ZBTB45: variants seen among roughly 807,000 people sequenced by gnomAD.
ZBTB45 encodes the protein zinc finger and BTB domain-containing protein 45.
A neutral mutation model predicts 28.4 loss-of-function variants in ZBTB45; 22 were observed. The observed-to-expected ratio is 0.77, with a 90% confidence interval of 0.55 to 1.10. The LOEUF (loss-of-function observed/expected upper bound fraction) is 1.10, where lower values mean the gene tolerates loss of function less well. Ranked by LOEUF, ZBTB45 falls within the 50% of genes least tolerant of loss-of-function variation. ZBTB45 has a pLI of 0.00. For synonymous variants in ZBTB45, 361 were observed against 332.3 expected, an observed-to-expected ratio of 1.09 and a Z score of -0.94; for missense variants, 656 against 750.2, an observed-to-expected ratio of 0.87 and a Z score of 1.47.
rs1290353173 is a variant in ZBTB45 at position 58,515,788 on chromosome 19, T to C, written c.1279+607A>G. On this transcript the variant is annotated intron_variant, in intron 2 of 2. Transcript: ENST00000594051. The surrounding 1 kb of genome is among the most constrained non-coding windows in gnomAD (Gnocchi z 4.7). ...CCACCCTCCCACTCTTTACCTCTCC[T>C]GCAGCACTGCAGAGCCGCCTCCCTG... Among the ~76,000 whole-genome samples, 1 of 152,158 alleles carries C rather than the reference T, an allele frequency of 6.6e-6. No individual in the cohort carries two copies.
At position 58,513,956 on chromosome 19, in the gene ZBTB45, C is replaced by A; in HGVS notation, c.*98G>T. On this transcript the variant is annotated 3_prime_UTR_variant, in exon 3 of 3. Coordinates refer to ENST00000594051, the MANE Select transcript of ZBTB45 (RefSeq NM_001316979.2). ...GAGAGGACCTGCGCTCAGGAGGGAG[C>A]GTGGTCTAGTGGCGGGAACCACGGG... 7.7e-7 allele frequency: 1 copy of A among 1,306,898 alleles called. No individual in the cohort carries two copies. Among genetic ancestry groups the A allele is most frequent in the South Asian group, 1.9e-5 (1 of 53,124 alleles). 81.0% of individuals were successfully genotyped at this position (1,306,898 alleles called of 1,614,324 possible).
At position 58,516,281 on chromosome 19, in the gene ZBTB45, T is replaced by C; in HGVS notation, c.1279+114A>G. The C allele has an allele frequency of 7.3e-7, 1 of 1,368,950 alleles. No individual in the cohort carries two copies. Among genetic ancestry groups the C allele is most frequent in the Middle Eastern group, 2.0e-4 (1 of 4,926 alleles). The allele number at this position is 1,368,950 out of a possible 1,614,324, so 84.8% of individuals were successfully genotyped here. A position where few individuals can be genotyped will look rare whatever the true frequency, so the allele number is the denominator to read the frequency against. On this transcript the variant is annotated intron_variant, in intron 2 of 2. Transcript: ENST00000594051. The surrounding 1 kb of genome is among the most constrained non-coding windows in gnomAD (Gnocchi z 6.2). ...GGGAAGGCTCAATTTCTAGGCCCCC[T>C]GCTAACCAAAAGTAACAGAACAGTG... is the stretch of plus-strand genomic sequence containing the variant.
chr19:58,530,352 G>C (rs1373793083), intron 1 of ZBTB45, among the ~76,000 whole-genome samples: 3 of 152,052 alleles, frequency 2.0e-5, no homozygotes, highest in African/African-American at 4.8e-5. Context: ...TCGTTGCTCA[G>C]GCTGGAGTGC....
chr19:58,518,904 G>T (rs964191896), intron 1 of ZBTB45: 1 of 152,122 alleles, frequency 6.6e-6, no homozygotes, highest in Non-Finnish European at 1.5e-5. Flanking sequence ...GCTCTACTGG[G>T]GTCTCAAGAT....
Position 58,517,177 on chromosome 19 carries a change from C to G in ZBTB45, c.497G>C (p.Gly166Ala), listed in dbSNP as rs758851239. ...LLAARPPGHP[G>A]AAHSRKQRQP... ...GCGCTGCTTACGGCTGTGTGCAGCACCGGGGTGCCCCGGGGGACGTGCAGC... is the reference window on the plus strand; with the variant it reads ...GCGCTGCTTACGGCTGTGTGCAGCAGCGGGGTGCCCCGGGGGACGTGCAGC... The change falls in exon 2 of 3, where the codon GGT (glycine) becomes GCT (alanine). Residue 166 changes from glycine to alanine, a missense_variant. This residue lies in a region of ZBTB45 where 448 missense variants were observed against 444.3 expected (regional missense o/e 1.01). Coordinates refer to ENST00000594051, the MANE Select transcript of ZBTB45 (RefSeq NM_001316979.2). 6 of 1,607,788 alleles carry G rather than the reference C, an allele frequency of 3.7e-6. No individual in the cohort carries two copies. In the South Asian group the frequency reaches 6.6e-5, roughly 18 times the overall value.
At chr19:58,525,403 C>T (rs762893947) in intron 1 of ZBTB45, among the ~76,000 whole-genome samples, 69 of 152,132 alleles carry the variant, frequency 4.5e-4, no homozygotes, top group Non-Finnish European at 4.3e-4. Flanking sequence ...CAGATAGCAG[C>T]GGAGGCTGAG....
chr19:58,526,529 T>TATTATTA (rs767538968), intron 1 of ZBTB45, among the ~76,000 whole-genome samples: 1 of 85,176 alleles, frequency 1.2e-5, no homozygotes, highest in Non-Finnish European at 2.5e-5. Context: ...ATTATTATTT[T>TATTATTA]TTTTTTTTTT....
chr19:58,521,257 C>T (rs1429314407), upstream of ZBTB45, among the ~76,000 whole-genome samples: 2 of 149,912 alleles, frequency 1.3e-5, no homozygotes, highest in East Asian at 3.9e-4. Context: ...GTCCCAGCTA[C>T]TCAGGAGGCT....
At chr19:58,520,196 G>T (rs1476055337), upstream of ZBTB45, 1 of 152,190 alleles carries the variant, frequency 6.6e-6, no homozygotes, top group Admixed American at 6.6e-5. Flanking sequence ...AGTAGGTCTC[G>T]GTCCCTGGCC....
intron 1 of ZBTB45, chr19:58,519,431 G>A (rs1272028802): frequency 2.0e-5 from 3 of 152,438 alleles, no homozygotes; most frequent in Non-Finnish European, 4.4e-5. Flanking sequence ...GCCTGCACTC[G>A]AGACCCGGCG....
intron 1 of ZBTB45, among the ~76,000 whole-genome samples, chr19:58,538,304 C>T (rs2053671952): frequency 6.6e-6 from 1 of 152,068 alleles, no homozygotes; most frequent in South Asian, 2.1e-4. Context: ...CAGCCAACTC[C>T]TGGGCTCAAG....
chr19:58,518,740 C>G (rs561619252), intron 1 of ZBTB45, among the ~76,000 whole-genome samples: 1 of 152,252 alleles, frequency 6.6e-6, no homozygotes, highest in East Asian at 1.9e-4. Flanking sequence ...ATACTCGGCT[C>G]ATCCCGCACC....
chr19:58,514,758 A>C (rs1476130067), intron 2 of ZBTB45, among the ~76,000 whole-genome samples: 3 of 150,554 alleles, frequency 2.0e-5, no homozygotes, highest in Non-Finnish European at 4.4e-5. Flanking sequence ...CTCCCCCTCA[A>C]CCCCTACCCA....
In ZBTB45 at chr19:58,515,952, G is replaced by A. The variant is rs1282115937; in HGVS notation, c.1279+443C>T. 6.6e-6 allele frequency among the ~76,000 whole-genome samples: 1 copy of A among 152,094 alleles called. No homozygotes were observed. Among genetic ancestry groups the A allele is most frequent in the Non-Finnish European group, 1.5e-5 (1 of 68,010 alleles). The stretch of plus-strand genomic sequence containing the variant: ...GGGCCTTCATCCCACCACCTCTGAG[G>A]GCTTTCTACCCCTGGGCCTGTAAAC... On this transcript the variant is annotated intron_variant, in intron 2 of 2. Transcript: ENST00000594051. This position sits in a 1 kb window ranked among gnomAD's most constrained non-coding sequence, Gnocchi z 4.7.
chr19:58,526,981 C>G (rs539450897), intron 1 of ZBTB45, among the ~76,000 whole-genome samples: 2 of 152,230 alleles, frequency 1.3e-5, no homozygotes, highest in South Asian at 4.2e-4. Flanking sequence ...TTGTGGCCCA[C>G]CACACCTGGC....
rs553728035 is a variant in ZBTB45 at position 58,514,576 on chromosome 19, C to T, written c.1280-266G>A. Among the ~76,000 whole-genome samples, 5 of 152,188 alleles carry T rather than the reference C, an allele frequency of 3.3e-5. No individual in the cohort carries two copies. In the East Asian group the frequency reaches 5.8e-4, roughly 18 times the overall value. On this transcript the variant is annotated intron_variant, in intron 2 of 2. Coordinates refer to ENST00000594051, the MANE Select transcript of ZBTB45 (RefSeq NM_001316979.2). ...GGGATCCTCATACACTGTGAGGTAC[C>T]CCTCTCCCATCCCTTCCTGGCAGGG... is the stretch of plus-strand genomic sequence containing the variant.
In ZBTB45 at chr19:58,513,968, G is replaced by T. The variant is rs1568637817; in HGVS notation, c.*86C>A. 1 of 1,339,166 alleles carries T rather than the reference G, an allele frequency of 7.5e-7. No individual in the cohort carries two copies. Among genetic ancestry groups the T allele is most frequent in the Middle Eastern group, 2.7e-4 (1 of 3,688 alleles). 83.0% of individuals were successfully genotyped at this position (1,339,166 alleles called of 1,614,324 possible). A position where few individuals can be genotyped will look rare whatever the true frequency, so the allele number is the denominator to read the frequency against. On this transcript the variant is annotated 3_prime_UTR_variant, in exon 3 of 3. Coordinates refer to ENST00000594051, the MANE Select transcript of ZBTB45 (RefSeq NM_001316979.2). ...GCTCAGGAGGGAGCGTGGTCTAGTG[G>T]CGGGAACCACGGGTCCCGCAGCGGG... is the stretch of plus-strand genomic sequence containing the variant.
chr19:58,527,982 A>G (rs2053616510), intron 1 of ZBTB45, among the ~76,000 whole-genome samples: 2 of 152,048 alleles, frequency 1.3e-5, no homozygotes, highest in African/African-American at 4.8e-5. Context: ...CGTGCCTGTA[A>G]TCTCAGCTAC....
intron 1 of ZBTB45, among the ~76,000 whole-genome samples, chr19:58,532,314 G>A (rs2053639194): frequency 6.6e-6 from 1 of 152,150 alleles, no homozygotes; most frequent in African/African-American, 2.4e-5. Flanking sequence ...TCTTGAAATG[G>A]GGAGATTACC....
Sources: allele counts gnomAD v4.1 joint callset (sites outside exome capture counted in the v4.1 genomes callset), GRCh38; gene constraint gnomAD v4.1.1; regional missense constraint gnomAD v4.1.1; non-coding constraint Gnocchi (gnomAD v3.1); transcripts MANE v1.5; gene names NCBI Gene and HGNC (gene_info 2026-07-23, HGNC 2026-07-21).